Variants in SPATC1 observed in about 807,000 individuals in gnomAD.
SPATC1 encodes spermatogenesis and centriole associated 1, also known as speriolin.
Under a neutral mutation model 36.5 loss-of-function variants are expected in SPATC1, and 35 were observed. That is an observed-to-expected ratio of 0.96 (90% confidence interval 0.73 to 1.27). The LOEUF (loss-of-function observed/expected upper bound fraction) is 1.27, where lower values mean the gene tolerates loss of function less well. SPATC1 is among the 50% of genes most tolerant of loss of function. SPATC1 has a pLI of 0.00. For missense variants in SPATC1, 779 were observed against 796.0 expected, an observed-to-expected ratio of 0.98 and a Z score of 0.26; for synonymous variants, 361 against 353.6, an observed-to-expected ratio of 1.02 and a Z score of -0.24.
chr8:144,012,651 G>A lies in SPATC1; in HGVS notation c.136G>A (p.Gly46Ser). The change falls in exon 1 of 5, where the codon GGC becomes AGC. Residue 46 changes from glycine (G) to serine (S), a missense_variant. Transcript: ENST00000377470. The stretch of plus-strand genomic sequence containing the variant: ...CAAGTCAGCGATCAAGACTCAGGCA[G>A]GCGGGCTCGGCATCAGCGGGTTCAC... ...ELKSAIKTQA[G>S]GLGISGFTSG... 1.9e-6 allele frequency: 3 copies of A among 1,551,756 alleles called. No homozygotes were observed. Among genetic ancestry groups the A allele is most frequent in the Non-Finnish European group, 8.7e-7 (1 of 1,147,012 alleles).
intron 4 of SPATC1, among the ~76,000 whole-genome samples, chr8:144,043,658 G>A (rs893997626): frequency 4.6e-5 from 7 of 151,318 alleles, no homozygotes; most frequent in African/African-American, 1.7e-4. Context: ...TTCCAGGTAC[G>A]AGCCACTGCA....
At chr8:144,028,291 G>C (rs1834725229) in intron 1 of SPATC1, among the ~76,000 whole-genome samples, 1 of 151,970 alleles carries the variant, frequency 6.6e-6, no homozygotes, top group African/African-American at 2.4e-5. Flanking sequence ...GGGAGAAGAT[G>C]TTTGCAACCT....
In SPATC1 at chr8:144,016,071, AAAAAAAAG is replaced by A. The variant is rs1554753204; in HGVS notation, c.211+3352_211+3359del. ...ACTTTTGAGACTCTGTCTCAAAAAA[AAAAAAAAG>A]AAAAAAGAAAGAAAGAAAGAAAAGA... is the stretch of plus-strand genomic sequence containing the variant. On this transcript the variant is annotated intron_variant, in intron 1 of 4. Transcript: ENST00000377470. This position sits in a 1 kb window ranked among gnomAD's most constrained non-coding sequence, Gnocchi z 4.5. Among the ~76,000 whole-genome samples, 1 of 150,668 alleles carries A rather than the reference AAAAAAAAG, an allele frequency of 6.6e-6. No individual in the cohort carries two copies. Among genetic ancestry groups the A allele is most frequent in the African/African-American group, 2.4e-5 (1 of 40,944 alleles).
In SPATC1 at chr8:144,012,429, C is replaced by T; in HGVS notation, c.-87C>T. Reference sequence around the variant, plus strand: ...CCAGCCTTGCAGACTCTGCACCCTCCTTCAGCCCAGGCAAGGCCTGGGGCC... The same window carrying T: ...CCAGCCTTGCAGACTCTGCACCCTCTTTCAGCCCAGGCAAGGCCTGGGGCC... On this transcript the variant is annotated 5_prime_UTR_variant, in exon 1 of 5. Transcript: ENST00000377470. The T allele has an allele frequency of 2.4e-6, 3 of 1,228,378 alleles. No individual in the cohort carries two copies. The highest frequency in any genetic ancestry group is 5.1e-4 in the Middle Eastern group (2 of 3,948). 76.1% of individuals were successfully genotyped at this position (1,228,378 alleles called of 1,614,324 possible).
intron 4 of SPATC1, among the ~76,000 whole-genome samples, chr8:144,044,409 C>T (rs1397516247): frequency 6.6e-6 from 1 of 151,438 alleles, no homozygotes; most frequent in Admixed American, 6.6e-5. Flanking sequence ...TCACGCCATT[C>T]TCCTGCCTCA....
rs1428804207 is a variant in SPATC1, at chr8:144,016,762, A to G, written c.211+4036A>G. Among the ~76,000 whole-genome samples the G allele has an allele frequency of 1.3e-5, 2 of 152,068 alleles. No homozygotes were observed. The highest frequency in any genetic ancestry group is 2.9e-5 in the Non-Finnish European group (2 of 68,012). The stretch of plus-strand genomic sequence containing the variant: ...GTGATTCTCCTGCCTGAGCCTCCCG[A>G]GTAGCTGGGACTACGGGCATGCACC... On this transcript the variant is annotated intron_variant, in intron 1 of 4. Coordinates refer to ENST00000377470, the MANE Select transcript of SPATC1 (RefSeq NM_198572.3). This position sits in a 1 kb window ranked among gnomAD's most constrained non-coding sequence, Gnocchi z 4.5.
At chr8:144,025,037 G>C (rs1301826045) in intron 1 of SPATC1, among the ~76,000 whole-genome samples, 4 of 141,726 alleles carry the variant, frequency 2.8e-5, no homozygotes, top group Non-Finnish European at 4.6e-5. Flanking sequence ...CTCACCTCAG[G>C]ACCCTCTCCC....
rs1031829469 is a variant in SPATC1, at chr8:144,040,983, C to T, written c.1182C>T (p.Ser394=). The change falls in exon 3 of 5, where the codon TCC becomes TCT. Residue 394 remains serine (S), a synonymous_variant. Coordinates refer to ENST00000377470, the MANE Select transcript of SPATC1 (RefSeq NM_198572.3). The part of the protein sequence containing the change: ...HNAHSPPRTS[S]SPASVNDSRG... ...CCCACTCCCCACCTCGTACCTCATCCTCCCCGGCTTCAGTCAATGACTCTC... is the reference window on the plus strand; with the variant it reads ...CCCACTCCCCACCTCGTACCTCATCTTCCCCGGCTTCAGTCAATGACTCTC... The T allele has an allele frequency of 1.2e-5, 19 of 1,612,284 alleles. No homozygotes were observed. The highest frequency in any genetic ancestry group is 1.6e-5 in the Non-Finnish European group (19 of 1,179,850).
Position 144,040,314 on chromosome 8 carries a change from C to G in SPATC1, c.617C>G (p.Pro206Arg). 1 of 1,612,824 alleles carries G rather than the reference C, an allele frequency of 6.2e-7. No individual in the cohort carries two copies. Among genetic ancestry groups the G allele is most frequent in the Non-Finnish European group, 8.5e-7 (1 of 1,179,936 alleles). Reference sequence around the variant, plus strand: ...CCCCTCCTCAGCTCCACTGCCACCCCACCAGGGGTCTCTCAGAACCTGCTG... The same window carrying G: ...CCCCTCCTCAGCTCCACTGCCACCCGACCAGGGGTCTCTCAGAACCTGCTG... ...SSPLLSSTAT[P>R]PGVSQNLLAN... is the part of the protein sequence containing the mutation. The change falls in exon 2 of 5, where the codon CCA becomes CGA. Residue 206 changes from proline to arginine, a missense_variant. Transcript: ENST00000377470.
intron 1 of SPATC1, among the ~76,000 whole-genome samples, chr8:144,013,632 A>T (rs1834323517): frequency 6.6e-6 from 1 of 152,264 alleles, no homozygotes; most frequent in African/African-American, 2.4e-5. Context: ...ACCCCTAATG[A>T]CACAGAGACA....
intron 1 of SPATC1, among the ~76,000 whole-genome samples, chr8:144,034,577 AC>A (rs1296107563): frequency 2.6e-5 from 4 of 152,236 alleles, no homozygotes; most frequent in Admixed American, 2.6e-4. Context: ...GGGAGTATTT[AC>A]CCACCTCTTT....
In SPATC1 at chr8:144,016,658, G is replaced by A. The variant is rs1478251644; in HGVS notation, c.211+3932G>A. Among the ~76,000 whole-genome samples, 5 of 151,966 alleles carry A rather than the reference G, an allele frequency of 3.3e-5. No individual in the cohort carries two copies. Among genetic ancestry groups the A allele is most frequent in the East Asian group, 1.9e-4 (1 of 5,176 alleles). On this transcript the variant is annotated intron_variant, in intron 1 of 4. Coordinates refer to ENST00000377470, the MANE Select transcript of SPATC1 (RefSeq NM_198572.3). The surrounding 1 kb of genome is among the most constrained non-coding windows in gnomAD (Gnocchi z 4.5). ...TTGTTTGTTTTTGAGACAGAGTGTCGAAGTTTCACTCTTGTTGCCCAGGCT... is the reference window on the plus strand; with the variant it reads ...TTGTTTGTTTTTGAGACAGAGTGTCAAAGTTTCACTCTTGTTGCCCAGGCT...
At chr8:144,015,796 C>T (rs1554753145) in intron 1 of SPATC1, among the ~76,000 whole-genome samples, 1 of 149,834 alleles carries the variant, frequency 6.7e-6, no homozygotes, top group African/African-American at 2.5e-5. Flanking sequence ...CTTGGTGGCT[C>T]ACGCCTGTAA....
chr8:144,041,374 G>A lies in SPATC1; in HGVS notation c.1446+3G>A. The stretch of plus-strand genomic sequence containing the variant: ...ACATCCCAGAGAAGATCATCCAGGT[G>A]TGCGGCCAGGGGTCCTGCAGGGACA... On this transcript the variant is annotated splice_donor_region_variant and intron_variant, in intron 4 of 4. Coordinates refer to ENST00000377470, the MANE Select transcript of SPATC1 (RefSeq NM_198572.3). The A allele has an allele frequency of 3.1e-6, 5 of 1,607,048 alleles. No individual in the cohort carries two copies. The highest frequency in any genetic ancestry group is 4.2e-6 in the Non-Finnish European group (5 of 1,179,796).
At position 144,040,654 on chromosome 8, in the gene SPATC1, A is replaced by C. The variant is rs1045193788; in HGVS notation, c.853A>C (p.Thr285Pro). ...TGCAGGAGCACCCCTCCAGACCTCC[A>C]CCCCTATCGGAGCCATGGGCACACC... ...AFAGAPLQTS[T>P]PIGAMGTPAP... The change falls in exon 3 of 5, where the codon ACC (threonine) becomes CCC (proline). Residue 285 changes from threonine (T) to proline (P), a missense_variant. Transcript: ENST00000377470. The C allele has an allele frequency of 6.2e-7, 1 of 1,607,602 alleles. No individual in the cohort carries two copies. The highest frequency in any genetic ancestry group is 2.2e-5 in the East Asian group (1 of 44,592).
rs60729674 is a variant in SPATC1, at chr8:144,039,955, C to T, written c.258C>T (p.Leu86=). Residue 86 remains leucine, a synonymous_variant, in exon 2 of 5, where the codon CTC becomes CTT. Coordinates refer to ENST00000377470, the MANE Select transcript of SPATC1 (RefSeq NM_198572.3). ...PSPAVANERV[L]EEVGIMALAP... Reference sequence around the variant, plus strand: ...CAGCAGTGGCAAACGAACGAGTCCTCGAAGAAGTGGGGATCATGGCCTTGG... The same window carrying T: ...CAGCAGTGGCAAACGAACGAGTCCTTGAAGAAGTGGGGATCATGGCCTTGG... 5.0e-6 allele frequency: 8 copies of T among 1,613,804 alleles called. No homozygotes were observed. Among genetic ancestry groups the T allele is most frequent in the South Asian group, 2.2e-5 (2 of 91,078 alleles).
At chr8:144,019,022 A>G (rs2133102220) in intron 1 of SPATC1, among the ~76,000 whole-genome samples, 1 of 144,328 alleles carries the variant, frequency 6.9e-6, no homozygotes, top group African/African-American at 2.6e-5. Context: ...AGCCTGGGCG[A>G]CAGAGCGAGA....
chr8:144,027,533 T>C (rs1409219667), intron 1 of SPATC1, among the ~76,000 whole-genome samples: 1 of 152,230 alleles, frequency 6.6e-6, no homozygotes, highest in Non-Finnish European at 1.5e-5. Context: ...TCCAAGGTCA[T>C]GCAGATTCAC....
intron 1 of SPATC1, among the ~76,000 whole-genome samples, chr8:144,029,872 C>T (rs1030652859): frequency 1.1e-3 from 164 of 152,204 alleles, no homozygotes; most frequent in Non-Finnish European, 1.8e-3. Flanking sequence ...ATCTTCTGTC[C>T]GGTTCTATCC....
Sources: allele counts gnomAD v4.1 joint callset (sites outside exome capture counted in the v4.1 genomes callset), GRCh38; gene constraint gnomAD v4.1.1; non-coding constraint Gnocchi (gnomAD v3.1); transcripts MANE v1.5; gene names NCBI Gene and HGNC (gene_info 2026-07-23, HGNC 2026-07-21).